The following TBCK variants were observed in gnomAD, a reference collection of about 807,000 sequenced individuals.
TBCK encodes the protein TBC domain-containing protein kinase-like protein.
A neutral mutation model predicts 113.4 loss-of-function variants in TBCK; 99 were observed. The ratio of observed to expected loss-of-function variants is 0.87; its 90% confidence interval spans 0.74 to 1.03. TBCK has a LOEUF of 1.03. TBCK is among the 50% of genes least tolerant of loss of function. The pLI is 0.00. For synonymous variants in TBCK, 369 were observed against 370.8 expected (o/e 1.00, Z 0.05); for missense variants, 1,045 against 1,061.3 (o/e 0.98, Z 0.21).
intron 23 of TBCK, among the ~76,000 whole-genome samples, chr4:106,145,351 C>T (rs937357107): frequency 2.0e-5 from 3 of 152,050 alleles, no homozygotes; most frequent in Non-Finnish European, 2.9e-5. Flanking sequence ...AACAAAAAAA[C>T]TTGTTCATAT....
intron 19 of TBCK, among the ~76,000 whole-genome samples, chr4:106,214,055 T>G (rs539185046): frequency 6.6e-6 from 1 of 152,270 alleles, no homozygotes; most frequent in South Asian, 2.1e-4. Context: ...AGTGGGTCCC[T>G]GACCCCTGAC....
chr4:106,263,382 T>A (rs1364560769), intron 3 of TBCK, among the ~76,000 whole-genome samples: 1 of 151,874 alleles, frequency 6.6e-6, no homozygotes, highest in Non-Finnish European at 1.5e-5. Context: ...AATTAAAACA[T>A]AAGGATTGTC....
chr4:106,053,986 T>C (rs1391387113), intron 25 of TBCK, among the ~76,000 whole-genome samples: 4 of 151,720 alleles, frequency 2.6e-5, no homozygotes, highest in Admixed American at 2.6e-4. Context: ...CCTAGATTAT[T>C]GTTAACAACC....
intron 23 of TBCK, among the ~76,000 whole-genome samples, chr4:106,127,940 A>G (rs1745427518): frequency 6.6e-6 from 1 of 152,104 alleles, no homozygotes; most frequent in African/African-American, 2.4e-5. Context: ...AAATCTGACA[A>G]GGATAGCACT....
intron 23 of TBCK, among the ~76,000 whole-genome samples, chr4:106,146,792 T>G (rs1747857790): frequency 6.6e-6 from 1 of 152,216 alleles, no homozygotes; most frequent in African/African-American, 2.4e-5. Context: ...GCTGCATCAA[T>G]GGACTCTTCC....
chr4:106,231,848 T>C, intron 17 of TBCK, 69 bp from the exon 18 acceptor site: 1 of 1,360,896 alleles, frequency 7.3e-7, no homozygotes, highest in Non-Finnish European at 1.0e-6. Flanking sequence ...ATATATACCT[T>C]ATTCAATTCT....
Position 106,043,083 on chromosome 4 carries a change from G to T in TBCK, c.*3487C>A, listed in dbSNP as rs1180744658. The T allele has an allele frequency of 1.3e-5, 2 of 152,040 alleles. No homozygotes were observed. Among genetic ancestry groups the T allele is most frequent in the Non-Finnish European group, 2.9e-5 (2 of 68,004 alleles). 9.4% of individuals were successfully genotyped at this position (152,040 alleles called of 1,614,324 possible). A position where few individuals can be genotyped will look rare whatever the true frequency, so the allele number is the denominator to read the frequency against. On this transcript the variant is annotated 3_prime_UTR_variant, in exon 26 of 26. Transcript: ENST00000394708. ...TTCTTGGGGCTTATATTGATACTGG[G>T]TATCCCACGGGCCTAAAAGCTGTGC... is the stretch of plus-strand genomic sequence containing the variant.
intron 10 of TBCK, among the ~76,000 whole-genome samples, chr4:106,246,898 TG>T (rs1760878957): frequency 7.2e-6 from 1 of 139,444 alleles, no homozygotes; most frequent in Non-Finnish European, 1.5e-5. Flanking sequence ...TTGACCAGGC[TG>T]GTCTCAAATG....
chr4:106,305,916 A>G, intron 2 of TBCK, among the ~76,000 whole-genome samples: 1 of 152,142 alleles, frequency 6.6e-6, no homozygotes, highest in East Asian at 1.9e-4. Flanking sequence ...TGAATAATCC[A>G]CTCATTGTTT....
At chr4:106,214,163 T>C (rs1475738329) in intron 19 of TBCK, among the ~76,000 whole-genome samples, 2 of 152,164 alleles carry the variant, frequency 1.3e-5, no homozygotes, top group Admixed American at 6.5e-5. Flanking sequence ...GGGTCCTGTC[T>C]GTTAGAAGGA....
chr4:106,097,819 T>G (rs911174025), intron 24 of TBCK, among the ~76,000 whole-genome samples: 2 of 152,048 alleles, frequency 1.3e-5, no homozygotes, highest in Non-Finnish European at 2.9e-5. Flanking sequence ...ATGAGGTATT[T>G]GGAAAATGAG....
rs1364783085 is a variant in TBCK, at chr4:106,138,444, A to G, written c.2236-22066T>C. Among the ~76,000 whole-genome samples the G allele has an allele frequency of 4.2e-5, 6 of 141,744 alleles. 2 individuals are homozygous for G. The highest frequency in any genetic ancestry group is 9.6e-5 in the Non-Finnish European group (6 of 62,346). The allele number at this position is 141,744 out of a possible 152,430, so 93.0% of individuals were successfully genotyped here. A position where few individuals can be genotyped will look rare whatever the true frequency, so the allele number is the denominator to read the frequency against. ...TCCACTGGAGTTTCTATTTAAGGAG[A>G]TTCAGAAGTGATTCTAATTATGAGA... On this transcript the variant is annotated intron_variant, in intron 23 of 25. Transcript: ENST00000394708.
At chr4:106,132,287 C>A (rs564634283) in intron 23 of TBCK, among the ~76,000 whole-genome samples, 5 of 152,162 alleles carry the variant, frequency 3.3e-5, no homozygotes, top group Non-Finnish European at 7.4e-5. Flanking sequence ...CTCTATGAAG[C>A]CTCATGACAT....
chr4:106,118,015 A>G (rs538337162), intron 23 of TBCK, among the ~76,000 whole-genome samples: 1 of 151,926 alleles, frequency 6.6e-6, no homozygotes, highest in Non-Finnish European at 1.5e-5. Context: ...TCTCAAAAAA[A>G]AAAAAAACAA....
chr4:106,185,607 A>G (rs1752929467), intron 22 of TBCK, among the ~76,000 whole-genome samples: 1 of 152,084 alleles, frequency 6.6e-6, no homozygotes. Flanking sequence ...AGATTCCATG[A>G]TGATTCTAGA....
intron 23 of TBCK, among the ~76,000 whole-genome samples, chr4:106,123,319 T>G (rs1431470942): frequency 6.6e-6 from 1 of 152,152 alleles, no homozygotes; most frequent in Non-Finnish European, 1.5e-5. Context: ...TTACAAGGCA[T>G]GTGAAGGACC....
Position 106,212,832 on chromosome 4 carries a change from T to C in TBCK, c.1778A>G (p.Tyr593Cys), listed in dbSNP as rs750823464. Residue 593 changes from tyrosine to cysteine, a missense_variant, in exon 20 of 26, where the codon TAT becomes TGT. Coordinates refer to ENST00000394708, the MANE Select transcript of TBCK (RefSeq NM_001163435.3). ...LKDNSHVIQE[Y>C]LTVFSQMIAF... ...AATCATCTGAGAGAAGACAGTCAGA[T>C]ACTCTGAAATTACAAAGTTTGAGAC... 8 of 1,607,612 alleles carry C rather than the reference T, an allele frequency of 5.0e-6. No individual in the cohort carries two copies. The highest frequency in any genetic ancestry group is 1.7e-5 in the Admixed American group (1 of 59,630).
At chr4:106,063,713 G>T (rs778363001) in intron 25 of TBCK, among the ~76,000 whole-genome samples, 1 of 151,740 alleles carries the variant, frequency 6.6e-6, no homozygotes, top group Non-Finnish European at 1.5e-5. Flanking sequence ...GGCCTTTGGG[G>T]GTGATGAGGT....
chr4:106,111,466 C>T (rs7664032), intron 24 of TBCK, among the ~76,000 whole-genome samples: 19,691 of 152,160 alleles, frequency 0.13, 1,615 homozygotes, highest in South Asian at 0.24. Flanking sequence ...TTTACAATAC[C>T]AGCTATCAAT....
Sources: gnomAD v4.1 joint callset for allele counts (sites outside exome capture counted in the v4.1 genomes callset) on GRCh38, gnomAD v4.1.1 for gene constraint, MANE v1.5 for transcripts, NCBI Gene and HGNC (gene_info 2026-07-23, HGNC 2026-07-21) for gene names.